The following ANXA6 variants were observed in gnomAD, a reference collection of about 807,000 sequenced individuals.
ANXA6 encodes the protein 67 kDa calelectrin.
Under a neutral mutation model 95.4 loss-of-function variants are expected in ANXA6, and 71 were observed. The ratio of observed to expected loss-of-function variants is 0.74; its 90% confidence interval spans 0.61 to 0.91. The LOEUF (loss-of-function observed/expected upper bound fraction) is 0.91, where lower values mean the gene tolerates loss of function less well. ANXA6 is among the 40% of genes least tolerant of loss of function. The pLI is 0.00. For missense variants in ANXA6, 830 were observed against 876.4 expected (o/e 0.95, Z 0.67); for synonymous variants, 289 against 315.9 (o/e 0.91, Z 0.90).
intron 20 of ANXA6, among the ~76,000 whole-genome samples, chr5:151,114,648 C>G: frequency 9.3e-6 from 1 of 107,910 alleles, no homozygotes; most frequent in Non-Finnish European, 1.9e-5. Flanking sequence ...AAAAAAAAGT[C>G]TGAGTATTGA....
chr5:151,103,456 C>T, intron 25 of ANXA6, 114 bp downstream of exon 25: 1 of 970,040 alleles, frequency 1.0e-6, no homozygotes, highest in Non-Finnish European at 1.5e-6. Flanking sequence ...AATATCCTGG[C>T]TGTTCTAAGC....
At chr5:151,122,289 A>T in intron 16 of ANXA6, 29 bp from the exon 17 acceptor site, 1 of 1,397,790 alleles carries the variant, frequency 7.2e-7, no homozygotes, top group Non-Finnish European at 1.0e-6. Flanking sequence ...CAGTCATGCC[A>T]ACATCAGCAC....
intron 22 of ANXA6, 139 bp downstream of exon 22, chr5:151,109,614 G>A (rs1012268936): frequency 3.1e-5 from 20 of 650,720 alleles, no homozygotes; most frequent in South Asian, 1.2e-4. Context: ...CAGAGTCGCC[G>A]TCACCCATGA....
intron 18 of ANXA6, 80 bp from the exon 19 acceptor site, chr5:151,117,917 G>C (rs938976552): frequency 2.5e-6 from 3 of 1,210,398 alleles, no homozygotes; most frequent in African/African-American, 3.0e-5. Context: ...GGAAACTCAG[G>C]CTTGAGCCAG....
chr5:151,157,013 G>A (rs1484506262), intron 1 of ANXA6, among the ~76,000 whole-genome samples: 2 of 152,166 alleles, frequency 1.3e-5, no homozygotes, highest in African/African-American at 2.4e-5. Context: ...CCCAAACTTT[G>A]GGAAGGCCTA....
intron 1 of ANXA6, among the ~76,000 whole-genome samples, chr5:151,157,015 G>A (rs1457327188): frequency 1.3e-5 from 2 of 152,212 alleles, no homozygotes; most frequent in African/African-American, 4.8e-5. Flanking sequence ...CAAACTTTGG[G>A]AAGGCCTAGA....
intron 17 of ANXA6, among the ~76,000 whole-genome samples, chr5:151,119,885 T>C (rs1219022932): frequency 1.3e-5 from 2 of 152,110 alleles, no homozygotes; most frequent in African/African-American, 4.8e-5. Flanking sequence ...AAATGCTAAA[T>C]TTTTTTTCTT....
intron 10 of ANXA6, 41 bp from the exon 11 acceptor site, chr5:151,131,330 T>G (rs376992890): frequency 1.2e-6 from 2 of 1,601,374 alleles, no homozygotes; most frequent in African/African-American, 2.7e-5. Context: ...TCTGGCTGCC[T>G]CAGAAGGGGG....
At chr5:151,104,936 A>C (rs1434261088) in intron 24 of ANXA6, among the ~76,000 whole-genome samples, 1 of 152,246 alleles carries the variant, frequency 6.6e-6, no homozygotes, top group Non-Finnish European at 1.5e-5. Flanking sequence ...TATCCTTTGC[A>C]CTGAGGTTGT....
At chr5:151,125,713 T>C (rs1441205544) in intron 14 of ANXA6, among the ~76,000 whole-genome samples, 1 of 152,162 alleles carries the variant, frequency 6.6e-6, no homozygotes, top group African/African-American at 2.4e-5. Context: ...AATTCACTTC[T>C]CACATCACCT....
At chr5:151,141,146 G>A (rs1765825503) in intron 2 of ANXA6, among the ~76,000 whole-genome samples, 1 of 152,218 alleles carries the variant, frequency 6.6e-6, no homozygotes, top group African/African-American at 2.4e-5. Flanking sequence ...ATGCACAATG[G>A]GACTGGTTCA....
intron 17 of ANXA6, among the ~76,000 whole-genome samples, chr5:151,121,811 G>A (rs1412954265): frequency 6.6e-6 from 1 of 152,202 alleles, no homozygotes; most frequent in Admixed American, 6.5e-5. Context: ...CTAGGAAGAA[G>A]GAACTCTTTC....
chr5:151,104,349 G>A (rs1764636154), intron 24 of ANXA6, among the ~76,000 whole-genome samples: 1 of 152,248 alleles, frequency 6.6e-6, no homozygotes, highest in Admixed American at 6.5e-5. Flanking sequence ...CATGGAATGT[G>A]TGGGCAGCCA....
chr5:151,120,122 A>C (rs1053299798), intron 17 of ANXA6, among the ~76,000 whole-genome samples: 4 of 152,086 alleles, frequency 2.6e-5, no homozygotes, highest in African/African-American at 9.7e-5. Flanking sequence ...TCAAGCCCAA[A>C]GTTTTAGGAA....
intron 23 of ANXA6, among the ~76,000 whole-genome samples, chr5:151,107,997 T>C (rs1190032548): frequency 6.6e-6 from 1 of 151,878 alleles, no homozygotes; most frequent in Non-Finnish European, 1.5e-5. Context: ...GTAGCATGTA[T>C]GTGTATATAT....
In ANXA6 at chr5:151,100,716, T is replaced by C; in HGVS notation, c.*732A>G. The C allele has an allele frequency of 2.7e-6, 1 of 372,172 alleles. No homozygotes were observed. The highest frequency in any genetic ancestry group is 2.0e-5 in the South Asian group (1 of 49,514). 23.1% of individuals were successfully genotyped at this position (372,172 alleles called of 1,614,324 possible). Reference sequence around the variant, plus strand: ...GGCCCTCACTGGAAATGTGTTTATGTGTTTGTGTATCTCTTTTTATTTCTT... The same window carrying C: ...GGCCCTCACTGGAAATGTGTTTATGCGTTTGTGTATCTCTTTTTATTTCTT... On this transcript the variant is annotated 3_prime_UTR_variant, in exon 26 of 26. Transcript: ENST00000354546.
At chr5:151,133,729 T>A (rs9324676) in intron 8 of ANXA6, among the ~76,000 whole-genome samples, 22,086 of 152,228 alleles carry the variant, frequency 0.15, 1,698 homozygotes, top group South Asian at 0.21. Flanking sequence ...TTTCTTCCTT[T>A]CTTTCTGGAG....
rs1327925713 is a variant in ANXA6, at chr5:151,109,779, G to A, written c.1658C>T (p.Thr553Ile). Residue 553 changes from threonine (T) to isoleucine (I), a missense_variant, in exon 22 of 26, where the codon ACC (threonine) becomes ATC (isoleucine). By Grantham distance (89) the Thr-to-Ile change is moderately conservative. Transcript: ENST00000354546. ...LETRFMTILCTRSYPHLRRVF... is the reference protein window; with the variant it reads ...LETRFMTILCIRSYPHLRRVF... ...TCTCCGGAGGTGCGGATAGCTCCGG[G>A]TACACAGGATCGTCATGAAACGTGT... is the stretch of plus-strand genomic sequence containing the variant. The A allele has an allele frequency of 1.2e-6, 2 of 1,611,480 alleles. No homozygotes were observed. The highest frequency in any genetic ancestry group is 4.5e-5 in the East Asian group (2 of 44,814).
rs1001602002 is a variant in ANXA6, at chr5:151,101,279, G to A, written c.*169C>T. 2.8e-5 allele frequency: 19 copies of A among 673,176 alleles called. No homozygotes were observed. The highest frequency in any genetic ancestry group is 1.2e-4 in the Admixed American group (5 of 41,974). 41.7% of individuals were successfully genotyped at this position (673,176 alleles called of 1,614,324 possible). A position where few individuals can be genotyped will look rare whatever the true frequency, so the allele number is the denominator to read the frequency against. ...AGCCGTGCTGGGCCCTCGATGGCCC[G>A]TGGGAGTGGGAGCGTTTCCTAAGCT... On this transcript the variant is annotated 3_prime_UTR_variant, in exon 26 of 26. Coordinates refer to ENST00000354546, the MANE Select transcript of ANXA6 (RefSeq NM_001155.5).
Sources: allele counts gnomAD v4.1 joint callset (sites outside exome capture counted in the v4.1 genomes callset), GRCh38; gene constraint gnomAD v4.1.1; transcripts MANE v1.5; gene names NCBI Gene and HGNC (gene_info 2026-07-23, HGNC 2026-07-21).